Variants in NRXN3 observed in about 807,000 individuals in gnomAD.
NRXN3 encodes the protein neurexin III.
In NRXN3, 32 loss-of-function variants were observed where a neutral mutation model predicts 137.6. That is an observed-to-expected ratio of 0.23 (90% CI 0.18 to 0.31). The LOEUF (loss-of-function observed/expected upper bound fraction) is 0.31. Ranked by LOEUF, NRXN3 falls within the 10% of genes least tolerant of loss-of-function variation. The pLI, the probability that NRXN3 is intolerant of heterozygous loss-of-function variation, is 1.00. For missense variants in NRXN3, 1,574 were observed against 2,062.5 expected, an observed-to-expected ratio of 0.76 and a Z score of 4.59; for synonymous variants, 798 against 784.5, an observed-to-expected ratio of 1.02 and a Z score of -0.29.
chr14:79,851,152 T>C (rs2099390563), intron 20 of NRXN3, among the ~76,000 whole-genome samples: 1 of 152,178 alleles, frequency 6.6e-6, no homozygotes, highest in African/African-American at 2.4e-5. Context: ...ATGTGTGTAT[T>C]GGAAGTATCT....
At chr14:78,572,059 C>T (rs367828507) in intron 4 of NRXN3, among the ~76,000 whole-genome samples, 2 of 152,212 alleles carry the variant, frequency 1.3e-5, no homozygotes, top group Admixed American at 6.5e-5. Flanking sequence ...TGGCTATTTA[C>T]ATACCTAGCT....
At position 79,819,920 on chromosome 14, in the gene NRXN3, G is replaced by A. The variant is rs80265440; in HGVS notation, c.4093+14730G>A. 2.3e-3 allele frequency among the ~76,000 whole-genome samples: 343 copies of A among 152,176 alleles called. 12 individuals are homozygous for A. In the East Asian group the frequency reaches 0.045, roughly 20 times the overall value. On this transcript the variant is annotated intron_variant, in intron 20 of 20. Coordinates refer to ENST00000335750, the MANE Select transcript of NRXN3 (RefSeq NM_001330195.2). ...CTACATATTTGGGTAGGAGCTTAAC[G>A]TCTTGCCCTTCGCTTTGCCAGTGTG... is the stretch of plus-strand genomic sequence containing the variant.
intron 4 of NRXN3, among the ~76,000 whole-genome samples, chr14:78,531,592 C>G (rs1321568046): frequency 6.6e-6 from 1 of 151,012 alleles, no homozygotes; most frequent in Non-Finnish European, 1.5e-5. Context: ...CTGTGCCAAT[C>G]TGAACTGAAT....
chr14:79,504,268 A>G (rs976697702), intron 16 of NRXN3, among the ~76,000 whole-genome samples: 5 of 152,124 alleles, frequency 3.3e-5, no homozygotes, highest in African/African-American at 4.8e-5. Flanking sequence ...CATTTTTTTG[A>G]GACAGATTGT....
At chr14:78,439,479 A>G (rs765040699) in intron 4 of NRXN3, among the ~76,000 whole-genome samples, 4 of 152,198 alleles carry the variant, frequency 2.6e-5, no homozygotes, top group Non-Finnish European at 5.9e-5. Flanking sequence ...GGCAAATGTA[A>G]TTGGCATACC....
rs79957977 is a variant in NRXN3, at chr14:78,314,380, G to A, written c.757+16520G>A. On this transcript the variant is annotated intron_variant, in intron 4 of 20. Transcript: ENST00000335750. ...AAAATTTTCTCACATTCCAGTTTGC[G>A]GTGCAGATTGGTGGGTGGTGAAGTG... Among the ~76,000 whole-genome samples the A allele has an allele frequency of 8.0e-4, 122 of 152,232 alleles. No individual in the cohort carries two copies. In the East Asian group the frequency reaches 0.015, roughly 19 times the overall value.
chr14:78,916,218 T>G (rs1399800467), intron 10 of NRXN3, among the ~76,000 whole-genome samples: 1 of 152,178 alleles, frequency 6.6e-6, no homozygotes, highest in Non-Finnish European at 1.5e-5. Flanking sequence ...TAAAGCAGTC[T>G]GGGGAAACCC....
At chr14:78,246,968 G>A (rs1393928635) in intron 2 of NRXN3, among the ~76,000 whole-genome samples, 1 of 152,224 alleles carries the variant, frequency 6.6e-6, no homozygotes, top group East Asian at 1.9e-4. Flanking sequence ...TGCAGTCTAG[G>A]CCCTGCTATT....
chr14:79,519,654 C>A (rs10149385), intron 16 of NRXN3, among the ~76,000 whole-genome samples: 40,799 of 151,758 alleles, frequency 0.27, 6,706 homozygotes, highest in African/African-American at 0.46. Context: ...TACATTCGAC[C>A]CAAGAATTAA....
At chr14:78,405,614 G>GGGGA (rs1555510785) in intron 4 of NRXN3, among the ~76,000 whole-genome samples, 3 of 34,522 alleles carry the variant, frequency 8.7e-5, no homozygotes, top group African/African-American at 5.1e-4. Context: ...GGGAAGGGGC[G>GGGGA]GGGGGGTTCC....
rs77836594 is a variant in NRXN3 at position 78,177,238 on chromosome 14, T to C, written c.-704+6564T>C. Among the ~76,000 whole-genome samples the C allele has an allele frequency of 8.2e-3, 1,251 of 152,280 alleles. 16 individuals carry two copies. The highest frequency in any genetic ancestry group is 0.052 in the East Asian group (267 of 5,176). On this transcript the variant is annotated intron_variant, in intron 1 of 20. Coordinates refer to ENST00000335750, the MANE Select transcript of NRXN3 (RefSeq NM_001330195.2). ...CATTGGCCCCAGTGTGCTTCATTTG[T>C]GTTTCCAGAGGCTGGTTGGGGGGCA...
At chr14:78,908,690 A>G (rs1407441498) in intron 10 of NRXN3, among the ~76,000 whole-genome samples, 1 of 152,066 alleles carries the variant, frequency 6.6e-6, no homozygotes, top group African/African-American at 2.4e-5. Context: ...TTGAGACACT[A>G]AGAAGGATAA....
intron 3 of NRXN3, among the ~76,000 whole-genome samples, chr14:78,295,225 T>C (rs1181432791): frequency 1.3e-5 from 2 of 152,142 alleles, no homozygotes; most frequent in African/African-American, 4.8e-5. Context: ...ACATGGTTTC[T>C]CCCCCCAGTC....
At chr14:79,263,952 C>A (rs1057360518) in intron 15 of NRXN3, among the ~76,000 whole-genome samples, 1 of 152,190 alleles carries the variant, frequency 6.6e-6, no homozygotes, top group Non-Finnish European at 1.5e-5. Flanking sequence ...CTTTAAGATT[C>A]TCTCTGGATC....
intron 6 of NRXN3, among the ~76,000 whole-genome samples, chr14:78,691,475 C>T (rs1445054044): frequency 6.6e-6 from 1 of 152,168 alleles, no homozygotes; most frequent in African/African-American, 2.4e-5. Context: ...GCTTTCTCTG[C>T]TCATTATTAG....
intron 19 of NRXN3, among the ~76,000 whole-genome samples, chr14:79,760,049 ACAGCT>A (rs1383162782): frequency 1.3e-5 from 2 of 151,688 alleles, no homozygotes; most frequent in African/African-American, 2.4e-5. Flanking sequence ...CCCTCTGCCT[ACAGCT>A]TTCAAATACA....
intron 15 of NRXN3, among the ~76,000 whole-genome samples, chr14:79,038,878 C>G (rs1200703382): frequency 6.6e-6 from 1 of 152,118 alleles, no homozygotes. Flanking sequence ...AATTTTCCAT[C>G]TTTATTTGCC....
At chr14:79,269,761 A>G (rs187983601) in intron 15 of NRXN3, among the ~76,000 whole-genome samples, 8 of 152,316 alleles carry the variant, frequency 5.3e-5, no homozygotes, top group Admixed American at 3.3e-4. Flanking sequence ...GCCCTCTCAG[A>G]TCACAGAAAC....
intron 4 of NRXN3, among the ~76,000 whole-genome samples, chr14:78,320,656 T>A (rs973647697): frequency 1.3e-5 from 2 of 152,088 alleles, no homozygotes; most frequent in Non-Finnish European, 2.9e-5. Flanking sequence ...AAGGGAGGAG[T>A]GCCTCACGCT....
Sources: allele counts gnomAD v4.1 joint callset (sites outside exome capture counted in the v4.1 genomes callset), GRCh38; gene constraint gnomAD v4.1.1; transcripts MANE v1.5; gene names NCBI Gene and HGNC (gene_info 2026-07-23, HGNC 2026-07-21).